Variants in DNAH12 observed in about 807,000 individuals in gnomAD.
DNAH12 encodes dynein axonemal heavy chain 12.
Under a neutral mutation model 371.5 loss-of-function variants are expected in DNAH12, and 285 were observed. That is an observed-to-expected ratio of 0.77 (90% CI 0.70 to 0.85). The LOEUF (loss-of-function observed/expected upper bound fraction) is 0.85, where lower values mean the gene tolerates loss of function less well. Among genes scored for constraint, DNAH12 ranks in the 40% least tolerant of loss-of-function variants. DNAH12 has a pLI of 0.00. For synonymous variants in DNAH12, 1,200 were observed against 1,213.0 expected, an observed-to-expected ratio of 0.99 and a Z score of 0.22; for missense variants, 3,611 against 3,689.4, an observed-to-expected ratio of 0.98 and a Z score of 0.55.
chr3:57,423,447 G>A (rs62250569), intron 35 of DNAH12, among the ~76,000 whole-genome samples: 44,387 of 151,980 alleles, frequency 0.29, 7,914 homozygotes, highest in Non-Finnish European at 0.41. Context: ...CTTCTAAAGC[G>A]GAAGGATATA....
chr3:57,333,006 C>T (rs975857521), intron 62 of DNAH12, among the ~76,000 whole-genome samples: 4 of 152,136 alleles, frequency 2.6e-5, no homozygotes, highest in South Asian at 2.1e-4. Context: ...ACTACATAAC[C>T]ACAGAAGTTG....
At chr3:57,516,557 CCT>C (rs1387027765) in intron 4 of DNAH12, among the ~76,000 whole-genome samples, 1 of 152,146 alleles carries the variant, frequency 6.6e-6, no homozygotes, top group Admixed American at 6.5e-5. Context: ...ATCCTTGGTT[CCT>C]CTTTTTCTCA....
chr3:57,374,061 T>A (rs1448171139), intron 55 of DNAH12, among the ~76,000 whole-genome samples: 1 of 152,336 alleles, frequency 6.6e-6, no homozygotes, highest in East Asian at 1.9e-4. Context: ...ATTTCCATTA[T>A]GGTTTTAAAG....
At position 57,428,774 on chromosome 3, in the gene DNAH12, C is replaced by T; in HGVS notation, c.5112G>A (p.Gln1704=). 2 of 1,549,930 alleles carry T rather than the reference C, an allele frequency of 1.3e-6. No individual in the cohort carries two copies. Among genetic ancestry groups the T allele is most frequent in the South Asian group, 1.2e-5 (1 of 83,540 alleles). Residue 1704 remains glutamine (Q), a synonymous_variant, in exon 34 of 74, where the codon CAG becomes CAA. Transcript: ENST00000495027. ...AAGACACAAGTGGTTCCCATCCTAA[C>T]TGTGAAGGCTCCAAATAAATCATAC... ...RCGMIYLEPS[Q]LGWEPLVSSW...
At chr3:57,433,971 ATATT>A in intron 30 of DNAH12, 143 bp from the exon 31 acceptor site, 1 of 684,984 alleles carries the variant, frequency 1.5e-6, no homozygotes, top group Non-Finnish European at 2.2e-6. Context: ...TGAAGAAAAC[ATATT>A]TAATTTCTGA....
intron 4 of DNAH12, among the ~76,000 whole-genome samples, chr3:57,512,922 A>G (rs1185566999): frequency 2.0e-5 from 3 of 152,056 alleles, no homozygotes; most frequent in African/African-American, 4.8e-5. Flanking sequence ...GTGGATCATG[A>G]AGTCAGGAGT....
chr3:57,471,342 T>C, intron 15 of DNAH12, 130 bp downstream of exon 15: 1 of 652,806 alleles, frequency 1.5e-6, no homozygotes. Flanking sequence ...ATATATGTAA[T>C]ATATAGAAAA....
At chr3:57,510,636 G>A (rs554672795) in intron 5 of DNAH12, among the ~76,000 whole-genome samples, 154 bp downstream of exon 5, 3 of 151,372 alleles carry the variant, frequency 2.0e-5, no homozygotes, top group East Asian at 3.9e-4. Flanking sequence ...ATCATGTCTC[G>A]AAGAAAAAAA....
At chr3:57,473,415 G>A (rs2066426305) in intron 13 of DNAH12, among the ~76,000 whole-genome samples, 1 of 152,044 alleles carries the variant, frequency 6.6e-6, no homozygotes, top group Non-Finnish European at 1.5e-5. Context: ...GAACCCAGGA[G>A]GTGGAGGTTG....
At chr3:57,483,545 C>T (rs9864150) in intron 12 of DNAH12, 34 bp from the exon 13 acceptor site, 1,019,542 of 1,511,592 alleles carry the variant, frequency 0.67, 345,746 homozygotes, top group South Asian at 0.76. Flanking sequence ...AGACTTATGG[C>T]AATTAATGTT....
chr3:57,337,084 G>T (rs1398891226), intron 60 of DNAH12, among the ~76,000 whole-genome samples: 5 of 152,062 alleles, frequency 3.3e-5, no homozygotes, highest in Non-Finnish European at 7.4e-5. Context: ...AAAACTAAAA[G>T]GAAGTAGGAG....
rs1245370587 is a variant in DNAH12, at chr3:57,433,727, T to C, written c.4757A>G (p.Glu1586Gly). 2 of 1,551,408 alleles carry C rather than the reference T, an allele frequency of 1.3e-6. No homozygotes were observed. The highest frequency in any genetic ancestry group is 1.2e-5 in the South Asian group (1 of 84,034). Residue 1586 changes from glutamate to glycine, a missense_variant, in exon 31 of 74, where the codon GAA (glutamate) becomes GGA (glycine). Glu to Gly is a moderately conservative substitution (Grantham distance 98). Transcript: ENST00000495027. ...GTTTACAGTTCTATAAATGACCTTT[T>C]CTTCCTCTCCATAGCCATGTTCATT... ...LMNEHGYGEE[E>G]KVIYRTVNPK... is the part of the protein sequence containing the mutation.
At position 57,458,150 on chromosome 3, in the gene DNAH12, AT is replaced by A; in HGVS notation, c.3001del (p.Ile1001LeufsTer2). The A allele has an allele frequency of 6.5e-7, 1 of 1,550,162 alleles. No individual in the cohort carries two copies. The highest frequency in any genetic ancestry group is 8.7e-7 in the Non-Finnish European group (1 of 1,146,614). ...LQNCNELLEKIMKGLNAYLEK... is the reference protein window; with the variant it reads ...LQNCNELLEKXMKGLNAYLEK... ...AAGATATGCGTTAAGACCTTTCATA[AT>A]TTTCTCCAAAAGTTCATTGCAGTTC... On this transcript the variant is annotated frameshift_variant, in exon 21 of 74. Transcript: ENST00000495027. LOFTEE classifies it high-confidence loss of function.
At chr3:57,443,108 T>A (rs1284241324) in intron 29 of DNAH12, among the ~76,000 whole-genome samples, 1 of 148,528 alleles carries the variant, frequency 6.7e-6, no homozygotes, top group Admixed American at 6.7e-5. Context: ...TAATGTTATT[T>A]TATTTATTAT....
At chr3:57,503,794 C>T (rs530582782) in intron 9 of DNAH12, among the ~76,000 whole-genome samples, 1 of 152,062 alleles carries the variant, frequency 6.6e-6, no homozygotes, top group African/African-American at 2.4e-5. Context: ...ATGAGACATG[C>T]AAATAAAAAA....
Position 57,366,794 on chromosome 3 carries a change from G to A in DNAH12, c.9102C>T (p.Leu3034=), listed in dbSNP as rs1302858704. Residue 3034 remains leucine, a synonymous_variant, in exon 57 of 74, where the codon CTC becomes CTT. Transcript: ENST00000495027. ...GTCCTTCTGGAGTTATCATGAAATT[G>A]AGCAAAGACACTTTTGTAGCCAGTT... ...MPELATKVSL[L]NFMITPEGLE... 6.6e-6 allele frequency: 1 copy of A among 152,154 alleles called. No homozygotes were observed. Among genetic ancestry groups the A allele is most frequent in the East Asian group, 1.9e-4 (1 of 5,196 alleles). The allele number at this position is 152,154 out of a possible 1,614,324, so 9.4% of individuals were successfully genotyped here.
chr3:57,441,067 A>G (rs2065289668), intron 29 of DNAH12, among the ~76,000 whole-genome samples: 1 of 152,236 alleles, frequency 6.6e-6, no homozygotes, highest in African/African-American at 2.4e-5. Context: ...AAAAAACAGT[A>G]AACAAAACAA....
At chr3:57,433,961 TGAA>T in intron 30 of DNAH12, 133 bp from the exon 31 acceptor site, 2 of 729,628 alleles carry the variant, frequency 2.7e-6, no homozygotes, top group Non-Finnish European at 4.0e-6. Flanking sequence ...TTCTCAGACA[TGAA>T]GAAAACATAT....
intron 34 of DNAH12, among the ~76,000 whole-genome samples, chr3:57,427,138 ATGTGTGTGTGTG>A (rs71088070): frequency 3.6e-5 from 5 of 138,784 alleles, no homozygotes; most frequent in Non-Finnish European, 6.2e-5. Context: ...TAAGAAGCGA[ATGTGTGTGTGTG>A]TGTGTGTGTG....
Sources: gnomAD v4.1 joint callset for allele counts (sites outside exome capture counted in the v4.1 genomes callset) on GRCh38, gnomAD v4.1.1 for gene constraint, MANE v1.5 for transcripts, NCBI Gene and HGNC (gene_info 2026-07-23, HGNC 2026-07-21) for gene names.